Variants in DNAH6 observed in about 807,000 individuals in gnomAD.
DNAH6 encodes the protein dynein axonemal heavy chain 6, also known as axonemal beta dynein heavy chain 6.
A neutral mutation model predicts 491.4 loss-of-function variants in DNAH6; 340 were observed. The observed-to-expected ratio is 0.69, with a 90% CI of 0.63 to 0.76. The LOEUF (loss-of-function observed/expected upper bound fraction) is 0.76. Ranked by LOEUF, DNAH6 falls within the 30% of genes least tolerant of loss-of-function variation. The probability of loss-of-function intolerance (pLI) is 0.00; values close to 1 mark genes in which losing one functional copy is unlikely to be tolerated. For missense variants in DNAH6, 4,443 were observed against 4,972.2 expected, an observed-to-expected ratio of 0.89 and a Z score of 3.20; for synonymous variants, 1,603 against 1,686.1, an observed-to-expected ratio of 0.95 and a Z score of 1.21.
At chr2:84,539,747 C>T (rs762446464) in intron 4 of DNAH6, among the ~76,000 whole-genome samples, 2 of 152,156 alleles carry the variant, frequency 1.3e-5, no homozygotes, top group Non-Finnish European at 2.9e-5. Flanking sequence ...CCATAGAGCA[C>T]TCTCCTGGTG....
chr2:84,733,385 TG>T, intron 61 of DNAH6, 58 bp from the exon 62 acceptor site: 1 of 1,464,278 alleles, frequency 6.8e-7, no homozygotes, highest in Non-Finnish European at 9.3e-7. Context: ...TTGGACAAAG[TG>T]AAAGTATATT....
At chr2:84,783,059 A>C (rs562021419) in intron 65 of DNAH6, among the ~76,000 whole-genome samples, 13 of 152,356 alleles carry the variant, frequency 8.5e-5, no homozygotes, top group African/African-American at 2.6e-4. Context: ...TAACCATTTA[A>C]GTTCTGATGT....
At chr2:84,807,917 C>T (rs1679577496) in intron 71 of DNAH6, among the ~76,000 whole-genome samples, 1 of 152,162 alleles carries the variant, frequency 6.6e-6, no homozygotes, top group African/African-American at 2.4e-5. Context: ...AATAAGCAGG[C>T]TTCTCCTTCC....
chr2:84,600,307 T>TTTC (rs771217560), intron 18 of DNAH6, among the ~76,000 whole-genome samples: 5 of 152,314 alleles, frequency 3.3e-5, no homozygotes, highest in East Asian at 1.9e-4. Context: ...CCACATTCCA[T>TTTC]TTCTTTTATT....
intron 11 of DNAH6, among the ~76,000 whole-genome samples, chr2:84,572,823 C>T (rs937039552): frequency 6.6e-6 from 1 of 152,294 alleles, no homozygotes; most frequent in African/African-American, 2.4e-5. Flanking sequence ...GCAAGTGAAT[C>T]CTAACTGCCT....
chr2:84,643,992 G>A (rs967536519), intron 33 of DNAH6, among the ~76,000 whole-genome samples: 11 of 152,048 alleles, frequency 7.2e-5, no homozygotes, highest in African/African-American at 2.7e-4. Flanking sequence ...TGATGTACTG[G>A]TTAAAAGGAA....
rs1453011903 is a variant in DNAH6, at chr2:84,710,279, C to T, written c.9253-8C>T. 2.6e-6 allele frequency: 4 copies of T among 1,551,144 alleles called. No individual in the cohort carries two copies. The African/African-American group carries it at 4.1e-5, about 16-fold the overall frequency. On this transcript the variant is annotated splice_polypyrimidine_tract_variant and splice_region_variant and intron_variant, in intron 55 of 76. Transcript: ENST00000389394. ...AGCAAATGTTCTGCTCTGTGCTTTT[C>T]CAAACAGGCAAACCGTTGGATAAGG...
intron 60 of DNAH6, among the ~76,000 whole-genome samples, chr2:84,725,718 A>G (rs1698564113): frequency 6.6e-6 from 1 of 152,236 alleles, no homozygotes; most frequent in Non-Finnish European, 1.5e-5. Context: ...AAGGGAAACC[A>G]GAAATCCAAA....
chr2:84,599,776 G>A (rs986405807), intron 18 of DNAH6, among the ~76,000 whole-genome samples: 18 of 152,112 alleles, frequency 1.2e-4, no homozygotes, highest in African/African-American at 4.3e-4. Context: ...GCTAGTAAGT[G>A]TTGAAATCAA....
intron 40 of DNAH6, among the ~76,000 whole-genome samples, chr2:84,673,823 G>T (rs1328104252): frequency 6.6e-6 from 1 of 152,210 alleles, no homozygotes; most frequent in Admixed American, 6.5e-5. Context: ...ACAATTAAGG[G>T]TTGGTTAAGG....
chr2:84,513,364 G>A (rs1302533764), upstream of DNAH6, among the ~76,000 whole-genome samples: 1 of 151,946 alleles, frequency 6.6e-6, no homozygotes, highest in African/African-American at 2.4e-5. Flanking sequence ...GCTGACTTTT[G>A]TAAACTATTA....
intron 69 of DNAH6, 58 bp downstream of exon 69, chr2:84,796,483 C>T: frequency 2.9e-6 from 4 of 1,394,336 alleles, no homozygotes; most frequent in Non-Finnish European, 3.8e-6. Flanking sequence ...TTGACAGCAT[C>T]TCTCAGTTTC....
rs2104162799 is a variant in DNAH6, at chr2:84,594,078, G to A, written c.2717G>A (p.Trp906Ter). Residue 906 changes from tryptophan to a stop codon, truncating the protein, a stop_gained, in exon 17 of 77, where the codon TGG becomes TAG. Transcript: ENST00000389394. LOFTEE classifies it high-confidence loss of function. ...FSEWDKLQQE[W>*]LKSKFDCLDP... ...GAATGGGATAAACTCCAACAAGAAT[G>A]GTTAAAGGTAGGGGAAAAAAGCCTT... 6.5e-7 allele frequency: 1 copy of A among 1,531,060 alleles called. No individual in the cohort carries two copies. Among genetic ancestry groups the A allele is most frequent in the South Asian group, 1.2e-5 (1 of 81,334 alleles). 94.8% of individuals were successfully genotyped at this position (1,531,060 alleles called of 1,614,324 possible).
chr2:84,722,539 C>A, intron 59 of DNAH6, 86 bp from the exon 60 acceptor site: 1 of 1,168,688 alleles, frequency 8.6e-7, no homozygotes, highest in Non-Finnish European at 1.2e-6. Context: ...CTTATTTCTT[C>A]CCTAGACCTA....
At chr2:84,678,985 C>T (rs1448398095) in intron 41 of DNAH6, among the ~76,000 whole-genome samples, 1 of 152,126 alleles carries the variant, frequency 6.6e-6, no homozygotes, top group East Asian at 1.9e-4. Flanking sequence ...TCACATCCCA[C>T]CTTAGCAGGA....
At chr2:84,560,919 T>A (rs902618410) in intron 11 of DNAH6, among the ~76,000 whole-genome samples, 15 of 151,694 alleles carry the variant, frequency 9.9e-5, no homozygotes, top group Non-Finnish European at 2.1e-4. Context: ...ACAATAAACA[T>A]ACGTGTGCAT....
rs117824738 is a variant in DNAH6 at position 84,530,943 on chromosome 2, G to A, written c.662+1777G>A. On this transcript the variant is annotated intron_variant, in intron 4 of 76. Transcript: ENST00000389394. ...TATTTTGCCAAGATCATGGAGGCAC[G>A]CCCATGACACAGCCTCAGGAGGTCC... 3.8e-4 allele frequency among the ~76,000 whole-genome samples: 58 copies of A among 152,228 alleles called. No homozygotes were observed. The East Asian group carries it at 0.01, about 27-fold the overall frequency.
At chr2:84,702,133 G>A (rs11889854) in intron 49 of DNAH6, among the ~76,000 whole-genome samples, 31,633 of 152,134 alleles carry the variant, frequency 0.21, 3,789 homozygotes, top group African/African-American at 0.33. Flanking sequence ...CAGTGGTTCC[G>A]ACTAAGAGCA....
At chr2:84,736,281 G>T (rs1256503598) in intron 62 of DNAH6, among the ~76,000 whole-genome samples, 1 of 152,082 alleles carries the variant, frequency 6.6e-6, no homozygotes, top group East Asian at 1.9e-4. Context: ...ATAACATGGT[G>T]CCTCTGGCTT....
Sources: gnomAD v4.1 joint callset for allele counts (sites outside exome capture counted in the v4.1 genomes callset) on GRCh38, gnomAD v4.1.1 for gene constraint, MANE v1.5 for transcripts, NCBI Gene and HGNC (gene_info 2026-07-23, HGNC 2026-07-21) for gene names.